Variants in CUL3 observed in about 807,000 individuals in gnomAD.
CUL3 encodes the protein cullin 3, also known as cullin-3.
Under a neutral mutation model 89.1 loss-of-function variants are expected in CUL3, and 19 were observed. That is an observed-to-expected ratio of 0.21 (90% CI 0.15 to 0.31). The LOEUF (loss-of-function observed/expected upper bound fraction) is 0.31. Ranked by LOEUF, CUL3 falls within the 10% of genes least tolerant of loss-of-function variation. CUL3 has a pLI of 1.00. For synonymous variants in CUL3, 351 were observed against 308.4 expected (o/e 1.14, Z -1.45); for missense variants, 469 against 942.3 (o/e 0.50, Z 6.58).
chr2:224,582,357 A>C (rs2106328857), intron 1 of CUL3, among the ~76,000 whole-genome samples: 1 of 152,356 alleles, frequency 6.6e-6, no homozygotes, highest in Non-Finnish European at 1.5e-5. Flanking sequence ...CCAATCTGGA[A>C]GACAGGAATT....
rs763033009 is a variant in CUL3 at position 224,514,780 on chromosome 2, TAA to T, written c.379-10_379-9del. On this transcript the variant is annotated splice_polypyrimidine_tract_variant and intron_variant, in intron 3 of 15. Transcript: ENST00000264414. ...TTGTACATACACACGGTCCTACAGT[TAA>T]AGTCATATAAATATGAGTACAGTTC... 20 of 1,588,428 alleles carry T rather than the reference TAA, an allele frequency of 1.3e-5. No individual in the cohort carries two copies. Among genetic ancestry groups the T allele is most frequent in the Non-Finnish European group, 1.6e-5 (18 of 1,157,808 alleles).
rs1000422525 is a variant in CUL3, at chr2:224,585,162, C to CGCG, written c.-156_-154dup. The CGCG allele has an allele frequency of 9.0e-5, 31 of 345,532 alleles. 1 individual carries two copies. Among genetic ancestry groups the CGCG allele is most frequent in the Admixed American group, 1.3e-4 (2 of 15,150 alleles). 21.4% of individuals were successfully genotyped at this position (345,532 alleles called of 1,614,324 possible). On this transcript the variant is annotated 5_prime_UTR_variant, in exon 1 of 16. Coordinates refer to ENST00000264414, the MANE Select transcript of CUL3 (RefSeq NM_003590.5). ...GGGAGCTGGCCGGCCCCTGGGCAGC[C>CGCG]GCGGCGGCGGCGGGGGCGGCGGCGG...
At chr2:224,509,388 T>C (rs1280497772) in intron 6 of CUL3, among the ~76,000 whole-genome samples, 1 of 152,206 alleles carries the variant, frequency 6.6e-6, no homozygotes, top group Non-Finnish European at 1.5e-5. Flanking sequence ...AGCTAATTTT[T>C]GTATTTTTCA....
chr2:224,486,586 CAA>C (rs941159615), intron 13 of CUL3, among the ~76,000 whole-genome samples: 13 of 84,990 alleles, frequency 1.5e-4, no homozygotes, highest in African/African-American at 7.5e-4. Flanking sequence ...TGAAAAGGAA[CAA>C]ACAAAGCCTC....
In CUL3 at chr2:224,494,409, T is replaced by C. The variant is rs1187267532; in HGVS notation, c.1842+1423A>G. Among the ~76,000 whole-genome samples the C allele has an allele frequency of 4.6e-5, 7 of 151,940 alleles. No homozygotes were observed. In the South Asian group the frequency reaches 1.5e-3, roughly 32 times the overall value. The stretch of plus-strand genomic sequence containing the variant: ...AAAAGACTAATTGGATTTAATGTAA[T>C]CAAATCATATTTTAATTGGGAGAAA... On this transcript the variant is annotated intron_variant, in intron 13 of 15. Coordinates refer to ENST00000264414, the MANE Select transcript of CUL3 (RefSeq NM_003590.5).
intron 3 of CUL3, among the ~76,000 whole-genome samples, chr2:224,535,001 A>AAAATAAATAAATAAATAAAT (rs201253756): frequency 7.5e-6 from 1 of 133,160 alleles, no homozygotes; most frequent in Non-Finnish European, 1.6e-5. Flanking sequence ...ACCCCGTCTC[A>AAAATAAATAAATAAATAAAT]AAATAAATAA....
rs200851357 is a variant in CUL3 at position 224,533,470 on chromosome 2, AAAG to A, written c.378+2055_378+2057del. ...AGATTTTGTTGCAAAAAAAAAGAAA[AAAG>A]AAAGAAAAAAAGGGAGGAGGAGGAC... On this transcript the variant is annotated intron_variant, in intron 3 of 15. Coordinates refer to ENST00000264414, the MANE Select transcript of CUL3 (RefSeq NM_003590.5). 4.5e-4 allele frequency among the ~76,000 whole-genome samples: 69 copies of A among 152,302 alleles called. No homozygotes were observed. The East Asian group carries it at 0.013, about 29-fold the overall frequency.
chr2:224,528,288 T>C (rs1319233953), intron 3 of CUL3, among the ~76,000 whole-genome samples: 1 of 152,180 alleles, frequency 6.6e-6, no homozygotes. Flanking sequence ...CTTTGACTAG[T>C]GCCCCCGCCT....
chr2:224,521,723 A>G (rs1023384870), intron 3 of CUL3, among the ~76,000 whole-genome samples: 8 of 151,966 alleles, frequency 5.3e-5, no homozygotes, highest in African/African-American at 1.4e-4. Context: ...GACCAAGGAT[A>G]GTTATTTATT....
intron 3 of CUL3, among the ~76,000 whole-genome samples, chr2:224,521,488 T>C (rs554406108): frequency 4.1e-4 from 62 of 151,912 alleles, no homozygotes; most frequent in African/African-American, 1.4e-3. Context: ...TGGAGTGCAG[T>C]GGCACGATCT....
At chr2:224,503,854 A>C in intron 8 of CUL3, 32 bp from the exon 9 acceptor site, 1 of 1,481,224 alleles carries the variant, frequency 6.8e-7, no homozygotes, top group Non-Finnish European at 9.0e-7. Flanking sequence ...ACAATTATAC[A>C]ATTTTAGTTC....
rs1692820208 is a variant in CUL3, at chr2:224,511,367, A to G, written c.870T>C (p.Asn290=). ...ENSGLVHMLK[N]GKTEDLGCMY... is the part of the protein sequence containing the mutation. The stretch of plus-strand genomic sequence containing the variant: ...GGTAACACTTACCTTCTGTCTTTCC[A>G]TTTTTCAACATATGTACTAGCCCAG... Residue 290 remains asparagine, a synonymous_variant, in exon 6 of 16, where the codon AAT becomes AAC. Coordinates refer to ENST00000264414, the MANE Select transcript of CUL3 (RefSeq NM_003590.5). The G allele has an allele frequency of 6.2e-7, 1 of 1,603,758 alleles. No homozygotes were observed. The highest frequency in any genetic ancestry group is 8.5e-7 in the Non-Finnish European group (1 of 1,174,064).
intron 8 of CUL3, 78 bp from the exon 9 acceptor site, chr2:224,503,900 A>C (rs1692490758): frequency 9.1e-7 from 1 of 1,098,998 alleles, no homozygotes; most frequent in Non-Finnish European, 1.2e-6. Context: ...TACAGCTTAA[A>C]AACACTATTG....
At position 224,503,606 on chromosome 2, in the gene CUL3, T is replaced by C. The variant is rs116171371; in HGVS notation, c.1377+46A>G. 92 of 1,447,946 alleles carry C rather than the reference T, an allele frequency of 6.4e-5. No individual in the cohort carries two copies. In the African/African-American group the frequency reaches 1.2e-3, roughly 20 times the overall value. 89.7% of individuals were successfully genotyped at this position (1,447,946 alleles called of 1,614,324 possible). A position where few individuals can be genotyped will look rare whatever the true frequency, so the allele number is the denominator to read the frequency against. ...TCACGTTGTCAGTACACAATCATAATAAACCTCAGTTAGGTGCACTCTATT... is the reference window on the plus strand; with the variant it reads ...TCACGTTGTCAGTACACAATCATAACAAACCTCAGTTAGGTGCACTCTATT... On this transcript the variant is annotated intron_variant, in intron 9 of 15. Transcript: ENST00000264414.
At chr2:224,508,109 AT>A (rs34859247) in intron 6 of CUL3, among the ~76,000 whole-genome samples, 134,327 of 146,922 alleles carry the variant, frequency 0.91, 61,410 homozygotes, top group East Asian at 0.99. Context: ...AATACTCTTG[AT>A]TTTTTTTTTT....
At chr2:224,558,706 T>C (rs182674249) in intron 1 of CUL3, among the ~76,000 whole-genome samples, 130 of 152,178 alleles carry the variant, frequency 8.5e-4, no homozygotes, top group African/African-American at 2.7e-3. Context: ...AGAATGAAAT[T>C]TGACAAGTAA....
intron 1 of CUL3, among the ~76,000 whole-genome samples, chr2:224,570,026 A>G (rs562796305): frequency 1.3e-5 from 2 of 151,648 alleles, no homozygotes; most frequent in African/African-American, 4.8e-5. Flanking sequence ...TAAATCTGAT[A>G]CAACTAAACT....
chr2:224,495,980 A>T lies in CUL3; in HGVS notation c.1708-14T>A, dbSNP rs200916037. 241 of 1,607,678 alleles carry T rather than the reference A, an allele frequency of 1.5e-4. 1 individual carries two copies. The African/African-American group carries it at 2.0e-3, about 13-fold the overall frequency. On this transcript the variant is annotated splice_polypyrimidine_tract_variant and intron_variant, in intron 12 of 15. Transcript: ENST00000264414. ...AGATCCATCTTCCTGTTTCATTTTT[A>T]AAAAAATATAAACAAAGACACAATC...
chr2:224,474,392 G>C lies in CUL3; in HGVS notation c.2176-16C>G, dbSNP rs1417052049. 6.2e-7 allele frequency: 1 copy of C among 1,608,900 alleles called. No homozygotes were observed. On this transcript the variant is annotated splice_polypyrimidine_tract_variant and intron_variant, in intron 15 of 15. Transcript: ENST00000264414. ...GCTGAGTTACCTAAAAAAGAAAGTA[G>C]ATAGTATTTTTATATAAACACATAA... is the stretch of plus-strand genomic sequence containing the variant.
Sources: gnomAD v4.1 joint callset for allele counts (sites outside exome capture counted in the v4.1 genomes callset) on GRCh38, gnomAD v4.1.1 for gene constraint, MANE v1.5 for transcripts, NCBI Gene and HGNC (gene_info 2026-07-23, HGNC 2026-07-21) for gene names.